SHD: variants seen among roughly 807,000 people sequenced by gnomAD.
SHD encodes Src homology 2 domain containing transforming protein D.
In SHD, 29 loss-of-function variants were observed where a neutral mutation model predicts 31.2. The observed-to-expected ratio is 0.93, with a 90% CI of 0.69 to 1.27. The LOEUF is 1.27. SHD is among the 50% of genes most tolerant of loss of function. The probability of loss-of-function intolerance (pLI) is 0.00; values close to 1 mark genes in which losing one functional copy is unlikely to be tolerated. For missense variants in SHD, 520 were observed against 453.8 expected, an observed-to-expected ratio of 1.15 and a Z score of -1.33; for synonymous variants, 208 against 187.8, an observed-to-expected ratio of 1.11 and a Z score of -0.88.
chr19:4,282,207 G>T (rs1157305544), intron 1 of SHD, among the ~76,000 whole-genome samples: 4 of 151,924 alleles, frequency 2.6e-5, no homozygotes, highest in African/African-American at 9.7e-5. Context: ...ATCATCTGAG[G>T]TCAGGAGTTG....
At chr19:4,284,995 A>AATCTGG in intron 4 of SHD, 91 bp downstream of exon 4, 1 of 1,339,030 alleles carries the variant, frequency 7.5e-7, no homozygotes, top group Non-Finnish European at 9.7e-7. Context: ...TTCCCAGATT[A>AATCTGG]GAGGAACTGG....
Position 4,279,920 on chromosome 19 carries a change from G to C in SHD, c.-144G>C. 9.7e-7 allele frequency: 1 copy of C among 1,029,824 alleles called. No homozygotes were observed. Among genetic ancestry groups the C allele is most frequent in the South Asian group, 1.7e-5 (1 of 58,216 alleles). 63.8% of individuals were successfully genotyped at this position (1,029,824 alleles called of 1,614,324 possible). On this transcript the variant is annotated 5_prime_UTR_variant, in exon 1 of 6. Coordinates refer to ENST00000543264, the MANE Select transcript of SHD (RefSeq NM_020209.4). This position sits in a 1 kb window ranked among gnomAD's most constrained non-coding sequence, Gnocchi z 7.5. ...CTTCCCTCTATCCATCCAGAGCCCC[G>C]CCAAAGGGCGCACCTGATCTTTCTC...
chr19:4,288,467 G>T, intron 5 of SHD, 105 bp downstream of exon 5: 20 of 1,310,500 alleles, frequency 1.5e-5, no homozygotes, highest in East Asian at 6.2e-5. Flanking sequence ...CAGCCATAGG[G>T]AAGGGCTTCC....
At chr19:4,282,644 A>T (rs1255093008) in intron 1 of SHD, among the ~76,000 whole-genome samples, 1 of 152,010 alleles carries the variant, frequency 6.6e-6, no homozygotes, top group Non-Finnish European at 1.5e-5. Context: ...TGAACCCAGG[A>T]GGCAGAGCTT....
At chr19:4,286,231 T>TTTCTTTCTTTTC (rs1309589434) in intron 4 of SHD, among the ~76,000 whole-genome samples, 1 of 49,952 alleles carries the variant, frequency 2.0e-5, no homozygotes, top group African/African-American at 7.7e-5. Flanking sequence ...TCTTTCTTTC[T>TTTCTTTCTTTTC]TTTCTTTCTT....
chr19:4,287,334 AAAAAAAG>A (rs1417621458), intron 4 of SHD, among the ~76,000 whole-genome samples: 1 of 151,756 alleles, frequency 6.6e-6, no homozygotes, highest in Admixed American at 6.6e-5. Flanking sequence ...TCTGTCTCAA[AAAAAAAG>A]AAAGAAAAAG....
chr19:4,284,993 T>TCCTC, intron 4 of SHD, 89 bp downstream of exon 4: 1 of 1,344,298 alleles, frequency 7.4e-7, no homozygotes, highest in Non-Finnish European at 9.7e-7. Context: ...GTTTCCCAGA[T>TCCTC]TAGAGGAACT....
chr19:4,287,507 G>A (rs956807557), intron 4 of SHD, among the ~76,000 whole-genome samples: 13 of 151,930 alleles, frequency 8.6e-5, no homozygotes, highest in African/African-American at 2.4e-4. Flanking sequence ...GGTATTGGCC[G>A]GGCATGGTGG....
chr19:4,283,218 G>A lies in SHD; in HGVS notation c.568G>A (p.Asp190Asn), dbSNP rs1336880874. The A allele has an allele frequency of 1.2e-6, 2 of 1,613,786 alleles. No homozygotes were observed. The highest frequency in any genetic ancestry group is 4.5e-5 in the East Asian group (2 of 44,866). ...EYDQPWEWKK[D>N]HISRAFAVQF... ...TGATCAGCCCTGGGAGTGGAAGAAA[G>A]ACCACATCTCCAGGGCGTTTGCAGG... The change falls in exon 3 of 6, where the codon GAC (aspartate) becomes AAC (asparagine). Residue 190 changes from aspartate to asparagine, a missense_variant. Physicochemically the swap from Asp to Asn is conservative, Grantham distance 23. Transcript: ENST00000543264.
intron 2 of SHD, 38 bp from the exon 3 acceptor site, chr19:4,283,016 A>G (rs1479656825): frequency 1.9e-6 from 3 of 1,613,956 alleles, no homozygotes; most frequent in East Asian, 2.2e-5. Context: ...AGGGTCCCAG[A>G]TGGGAGCAGG....
chr19:4,290,350 G>A, intron 5 of SHD, 97 bp from the exon 6 acceptor site: 1 of 1,326,312 alleles, frequency 7.5e-7, no homozygotes, highest in Non-Finnish European at 1.0e-6. Flanking sequence ...AGACACACGA[G>A]CACCTGGCCT....
In SHD at chr19:4,280,200, A is replaced by G. The variant is rs753515858; in HGVS notation, c.137A>G (p.Tyr46Cys). The G allele has an allele frequency of 1.4e-5, 22 of 1,613,380 alleles. No individual in the cohort carries two copies. The highest frequency in any genetic ancestry group is 4.4e-5 in the South Asian group (4 of 91,076). The change falls in exon 1 of 6, where the codon TAT (tyrosine) becomes TGT (cysteine). Residue 46 changes from tyrosine to cysteine, a missense_variant. Transcript: ENST00000543264. Reference sequence around the variant, plus strand: ...AAGAACCTGGACTTCGAGGACCCCTATGAGGACGCGGAGAGCCGCTTGGAG... The same window carrying G: ...AAGAACCTGGACTTCGAGGACCCCTGTGAGGACGCGGAGAGCCGCTTGGAG... Reference protein sequence around the residue: ...AQKNLDFEDPYEDAESRLEPD... With the variant: ...AQKNLDFEDPCEDAESRLEPD...
intron 3 of SHD, among the ~76,000 whole-genome samples, chr19:4,283,945 T>C (rs1401470525): frequency 6.6e-6 from 1 of 152,000 alleles, no homozygotes; most frequent in Non-Finnish European, 1.5e-5. Context: ...TGGATGAGCT[T>C]GGAGAAGCCT....
In SHD at chr19:4,286,288, T is replaced by TTTCCTTCC. The variant is rs199916938; in HGVS notation, c.716+1406_716+1413dup. ...CTTTCTTTCTTTCTTTCTTTTTTTC[T>TTTCCTTCC]TTCCTTCCTTCCTTCCTTCCTTCCT... On this transcript the variant is annotated intron_variant, in intron 4 of 5. Coordinates refer to ENST00000543264, the MANE Select transcript of SHD (RefSeq NM_020209.4). Among the ~76,000 whole-genome samples the TTTCCTTCC allele has an allele frequency of 9.1e-4, 103 of 113,392 alleles. 1 individual carries two copies. The highest frequency in any genetic ancestry group is 3.3e-3 in the African/African-American group (96 of 28,918). 74.4% of individuals were successfully genotyped at this position (113,392 alleles called of 152,430 possible).
upstream of SHD, chr19:4,279,178 A>C (rs1971228665): frequency 6.6e-6 from 1 of 151,384 alleles, no homozygotes; most frequent in Admixed American, 6.6e-5. The surrounding 1 kb of genome is among the most constrained non-coding windows in gnomAD (Gnocchi z 7.5). Context: ...TCCCCAGAAC[A>C]GCTGAAGGTC....
At chr19:4,288,803 C>G (rs1413459595) in intron 5 of SHD, among the ~76,000 whole-genome samples, 1 of 152,190 alleles carries the variant, frequency 6.6e-6, no homozygotes, top group Admixed American at 6.6e-5. Context: ...ATAAACCACT[C>G]CTAAGATTCT....
chr19:4,279,556 C>T lies in SHD; in HGVS notation c.-508C>T, dbSNP rs1045710753. On this transcript the variant is annotated 5_prime_UTR_variant, in exon 1 of 6. Coordinates refer to ENST00000543264, the MANE Select transcript of SHD (RefSeq NM_020209.4). This position sits in a 1 kb window ranked among gnomAD's most constrained non-coding sequence, Gnocchi z 7.5. Reference sequence around the variant, plus strand: ...CAACTTTGCGCGCGGCGCCCGCGCCCCTGGGGAGCCCGCCCGCTGCGCTGA... The same window carrying T: ...CAACTTTGCGCGCGGCGCCCGCGCCTCTGGGGAGCCCGCCCGCTGCGCTGA... The T allele has an allele frequency of 2.6e-5, 4 of 152,838 alleles. No homozygotes were observed. Among genetic ancestry groups the T allele is most frequent in the Admixed American group, 2.6e-4 (4 of 15,292 alleles). The allele number at this position is 152,838 out of a possible 1,614,324, so 9.5% of individuals were successfully genotyped here. A position where few individuals can be genotyped will look rare whatever the true frequency, so the allele number is the denominator to read the frequency against.
intron 1 of SHD, 62 bp from the exon 2 acceptor site, chr19:4,282,808 A>C: frequency 1.4e-6 from 2 of 1,416,922 alleles, no homozygotes; most frequent in South Asian, 2.3e-5. Context: ...CAAGAGGTGC[A>C]GCGTCAATTA....
At chr19:4,280,719 G>C (rs1256629885) in intron 1 of SHD, among the ~76,000 whole-genome samples, 1 of 151,988 alleles carries the variant, frequency 6.6e-6, no homozygotes, top group Non-Finnish European at 1.5e-5. Context: ...GTAGAGACTG[G>C]TTTCACCATG....
Sources: gnomAD v4.1 joint callset for allele counts (sites outside exome capture counted in the v4.1 genomes callset) on GRCh38, gnomAD v4.1.1 for gene constraint, Gnocchi (gnomAD v3.1) non-coding constraint, MANE v1.5 for transcripts, NCBI Gene and HGNC (gene_info 2026-07-23, HGNC 2026-07-21) for gene names.